FAM169A: variants seen among roughly 807,000 people sequenced by gnomAD.
The protein encoded by FAM169A is family with sequence similarity 169 member A.
A neutral mutation model predicts 75.7 loss-of-function variants in FAM169A; 24 were observed. The observed-to-expected ratio is 0.32, with a 90% confidence interval of 0.23 to 0.45. The LOEUF is 0.45. Ranked by LOEUF, FAM169A falls within the 20% of genes least tolerant of loss-of-function variation. FAM169A has a pLI of 1.00. For synonymous variants in FAM169A, 271 were observed against 271.0 expected (o/e 1.00, Z 0.00); for missense variants, 673 against 784.0 (o/e 0.86, Z 1.69).
At chr5:74,828,734 A>C (rs1419454488) in intron 5 of FAM169A, among the ~76,000 whole-genome samples, 2 of 152,178 alleles carry the variant, frequency 1.3e-5, no homozygotes, top group Non-Finnish European at 2.9e-5. Flanking sequence ...CCCTTTTCCC[A>C]GATTATAAAG....
intron 5 of FAM169A, among the ~76,000 whole-genome samples, chr5:74,830,136 A>G (rs1259862325): frequency 2.6e-5 from 4 of 152,324 alleles, no homozygotes; most frequent in African/African-American, 4.8e-5. Flanking sequence ...GAAAAATTAA[A>G]TAATTCCATT....
intron 4 of FAM169A, among the ~76,000 whole-genome samples, chr5:74,838,519 C>T (rs1421958677): frequency 6.6e-6 from 1 of 152,152 alleles, no homozygotes; most frequent in Non-Finnish European, 1.5e-5. Context: ...TCTACTATAA[C>T]CCTGCCGAGG....
In FAM169A at chr5:74,780,098, A is replaced by G. The variant is rs901242223; in HGVS notation, c.*1362T>C. 1.3e-5 allele frequency: 2 copies of G among 152,220 alleles called. No homozygotes were observed. Among genetic ancestry groups the G allele is most frequent in the African/African-American group, 4.8e-5 (2 of 41,460 alleles). 9.4% of individuals were successfully genotyped at this position (152,220 alleles called of 1,614,324 possible). A position where few individuals can be genotyped will look rare whatever the true frequency, so the allele number is the denominator to read the frequency against. The stretch of plus-strand genomic sequence containing the variant: ...AACCATTTTGTCCATTTTTAAATAA[A>G]TTACAAAAAATAACAGTTCAGTGTT... On this transcript the variant is annotated 3_prime_UTR_variant, in exon 13 of 13. Transcript: ENST00000687041.
chr5:74,824,007 A>G (rs1229342203), intron 5 of FAM169A, among the ~76,000 whole-genome samples: 1 of 152,232 alleles, frequency 6.6e-6, no homozygotes, highest in Non-Finnish European at 1.5e-5. Flanking sequence ...GATCATGGAT[A>G]TAGCCCCTAG....
At chr5:74,783,385 T>C (rs1745508929) in intron 11 of FAM169A, among the ~76,000 whole-genome samples, 1 of 152,196 alleles carries the variant, frequency 6.6e-6, no homozygotes, top group Non-Finnish European at 1.5e-5. Context: ...AGGACCAGGA[T>C]GCTCTGTGGA....
At chr5:74,796,245 A>C in intron 10 of FAM169A, 59 bp from the exon 11 acceptor site, 31 of 1,462,686 alleles carry the variant, frequency 2.1e-5, no homozygotes, top group Non-Finnish European at 2.7e-5. Context: ...ATAAAATCTC[A>C]GAAGTCCTTT....
intron 1 of FAM169A, among the ~76,000 whole-genome samples, chr5:74,845,192 C>A (rs1038678668): frequency 6.6e-6 from 1 of 152,098 alleles, no homozygotes; most frequent in African/African-American, 2.4e-5. Flanking sequence ...TATTTTTACC[C>A]TAATCTGAAA....
At chr5:74,810,972 GGATTT>G (rs1747160995) in intron 6 of FAM169A, among the ~76,000 whole-genome samples, 1 of 137,456 alleles carries the variant, frequency 7.3e-6, no homozygotes, top group South Asian at 2.3e-4. Flanking sequence ...CACTAGGCCT[GGATTT>G]TTTTTTTTTT....
At chr5:74,866,448 C>T (rs1580187695), upstream of FAM169A, 1 of 900,314 alleles carries the variant, frequency 1.1e-6, no homozygotes, top group Non-Finnish European at 1.3e-6. Context: ...GCGAATCCCC[C>T]CGCCCGCCAG....
intron 5 of FAM169A, among the ~76,000 whole-genome samples, chr5:74,823,235 T>C (rs1042438821): frequency 1.3e-5 from 2 of 152,194 alleles, no homozygotes; most frequent in African/African-American, 2.4e-5. Context: ...TACTTGTTAG[T>C]CCCACCACCT....
intron 12 of FAM169A, among the ~76,000 whole-genome samples, chr5:74,782,452 G>A (rs941705244): frequency 1.3e-5 from 2 of 152,116 alleles, no homozygotes; most frequent in Non-Finnish European, 2.9e-5. Flanking sequence ...CTTTTGCTTA[G>A]GTGAGACACT....
intron 6 of FAM169A, among the ~76,000 whole-genome samples, chr5:74,812,525 C>T (rs1222683447): frequency 6.6e-6 from 1 of 151,998 alleles, no homozygotes; most frequent in East Asian, 1.9e-4. Context: ...AGCAGTCCTC[C>T]CACCTCAGCC....
chr5:74,791,588 T>G (rs1383893193), intron 11 of FAM169A, among the ~76,000 whole-genome samples: 2 of 152,188 alleles, frequency 1.3e-5, no homozygotes, highest in East Asian at 1.9e-4. Flanking sequence ...ACTATCAAGA[T>G]GAAATCAGTC....
intron 11 of FAM169A, among the ~76,000 whole-genome samples, chr5:74,789,429 C>T (rs1561288412): frequency 1.3e-5 from 2 of 152,196 alleles, no homozygotes; most frequent in Non-Finnish European, 2.9e-5. Context: ...AGGCACAGCA[C>T]AAGTTGGCCT....
chr5:74,861,569 G>A (rs565604772), intron 1 of FAM169A, among the ~76,000 whole-genome samples: 2 of 152,202 alleles, frequency 1.3e-5, no homozygotes, highest in East Asian at 3.9e-4. Flanking sequence ...ACAAAAATCA[G>A]CCAGGCGTGC....
chr5:74,799,993 A>C, intron 10 of FAM169A: 1 of 785,976 alleles, frequency 1.3e-6, no homozygotes, highest in Non-Finnish European at 2.3e-6. Flanking sequence ...TCTATTTATG[A>C]GGTGGATGAG....
Position 74,780,270 on chromosome 5 carries a change from G to T in FAM169A, c.*1190C>A, listed in dbSNP as rs1183562270. On this transcript the variant is annotated 3_prime_UTR_variant, in exon 13 of 13. Coordinates refer to ENST00000687041, the MANE Select transcript of FAM169A (RefSeq NM_001376049.1). ...CCCTTGTAACCACAGCTCCCCCAAAGGCAGTTTACCCCTGCCATATAGGTC... is the reference window on the plus strand; with the variant it reads ...CCCTTGTAACCACAGCTCCCCCAAATGCAGTTTACCCCTGCCATATAGGTC... The T allele has an allele frequency of 6.6e-6, 1 of 152,136 alleles. No homozygotes were observed. The highest frequency in any genetic ancestry group is 6.6e-5 in the Admixed American group (1 of 15,258). The allele number at this position is 152,136 out of a possible 1,614,324, so 9.4% of individuals were successfully genotyped here. A position where few individuals can be genotyped will look rare whatever the true frequency, so the allele number is the denominator to read the frequency against.
intron 1 of FAM169A, among the ~76,000 whole-genome samples, chr5:74,862,503 T>C (rs1750089481): frequency 6.6e-6 from 1 of 152,194 alleles, no homozygotes; most frequent in Non-Finnish European, 1.5e-5. Context: ...GTAAAGCCCT[T>C]CCAGAGTCAC....
chr5:74,826,570 A>C (rs1215822141), intron 5 of FAM169A, among the ~76,000 whole-genome samples: 1 of 152,216 alleles, frequency 6.6e-6, no homozygotes, highest in Non-Finnish European at 1.5e-5. Context: ...GTGATATCTA[A>C]AAATTTTCAT....
Sources: allele counts gnomAD v4.1 joint callset (sites outside exome capture counted in the v4.1 genomes callset), GRCh38; gene constraint gnomAD v4.1.1; transcripts MANE v1.5; gene names NCBI Gene and HGNC (gene_info 2026-07-23, HGNC 2026-07-21).